BMPR2: variants seen among roughly 807,000 people sequenced by gnomAD.
The protein encoded by BMPR2 is bone morphogenetic protein receptor type-2.
A neutral mutation model predicts 100.8 loss-of-function variants in BMPR2; 29 were observed. The observed-to-expected ratio is 0.29, with a 90% CI of 0.21 to 0.39. The LOEUF (loss-of-function observed/expected upper bound fraction) is 0.39, where lower values mean the gene tolerates loss of function less well. Among genes scored for constraint, BMPR2 ranks in the 10% least tolerant of loss-of-function variants. The pLI is 1.00. For missense variants in BMPR2, 1,011 were observed against 1,274.5 expected (o/e 0.79, Z 3.15); for synonymous variants, 382 against 442.3 (o/e 0.86, Z 1.71).
intron 3 of BMPR2, among the ~76,000 whole-genome samples, chr2:202,483,112 A>T (rs1692693090): frequency 6.6e-6 from 1 of 152,052 alleles, no homozygotes; most frequent in African/African-American, 2.4e-5. Flanking sequence ...ATATTTCCCT[A>T]ATGATTGGAG....
chr2:202,410,500 T>C (rs1690991199), intron 1 of BMPR2, among the ~76,000 whole-genome samples: 1 of 152,232 alleles, frequency 6.6e-6, no homozygotes, highest in Non-Finnish European at 1.5e-5. Flanking sequence ...ATCATAGTAT[T>C]GGATTCGAAT....
intron 3 of BMPR2, among the ~76,000 whole-genome samples, chr2:202,481,419 TCCGCCTG>T (rs1692658563): frequency 6.6e-6 from 1 of 152,178 alleles, no homozygotes; most frequent in African/African-American, 2.4e-5. Flanking sequence ...ACTCAGCTGA[TCCGCCTG>T]CCTCAGCCTC....
intron 1 of BMPR2, among the ~76,000 whole-genome samples, chr2:202,381,009 C>T (rs1178990028): frequency 5.0e-5 from 6 of 119,476 alleles, no homozygotes; most frequent in East Asian, 2.5e-4. Context: ...GAGTCTGGCT[C>T]GGTCACCCAG....
At position 202,556,083 on chromosome 2, in the gene BMPR2, G is replaced by T. The variant is rs150020118; in HGVS notation, c.2418G>T (p.Met806Ile). 1 of 1,614,076 alleles carries T rather than the reference G, an allele frequency of 6.2e-7. No homozygotes were observed. Among genetic ancestry groups the T allele is most frequent in the Non-Finnish European group, 8.5e-7 (1 of 1,180,050 alleles). Reference protein sequence around the residue: ...AAEPHVVTVTMNGVAGRNHSV... With the variant: ...AAEPHVVTVTINGVAGRNHSV... ...AACCTCATGTGGTGACAGTCACCAT[G>T]AATGGTGTGGCAGGTAGAAACCACA... The change falls in exon 12 of 13, where the codon ATG becomes ATT. Residue 806 changes from methionine to isoleucine, a missense_variant. This residue lies in a region of BMPR2 where 508 missense variants were observed against 552.0 expected (regional missense o/e 0.92). Transcript: ENST00000374580.
At chr2:202,420,550 T>A (rs1244081552) in intron 1 of BMPR2, among the ~76,000 whole-genome samples, 3 of 138,330 alleles carry the variant, frequency 2.2e-5, no homozygotes, top group Admixed American at 7.3e-5. Context: ...TTTTTTTTTT[T>A]TTTTTTTTTT....
chr2:202,469,024 G>GGTTTT (rs1199780975), intron 3 of BMPR2, among the ~76,000 whole-genome samples: 4 of 151,640 alleles, frequency 2.6e-5, no homozygotes, highest in African/African-American at 4.8e-5. Flanking sequence ...TTTATTTTTT[G>GGTTTT]GTTTTGTTTT....
At chr2:202,410,889 TA>T (rs1420210844) in intron 1 of BMPR2, among the ~76,000 whole-genome samples, 1 of 152,130 alleles carries the variant, frequency 6.6e-6, no homozygotes. Context: ...TTTTTATTTT[TA>T]AAAATAATAA....
At chr2:202,426,720 A>G (rs1358056640) in intron 1 of BMPR2, among the ~76,000 whole-genome samples, 1 of 151,976 alleles carries the variant, frequency 6.6e-6, no homozygotes, top group African/African-American at 2.4e-5. Flanking sequence ...CGTCTCTTCA[A>G]ATATTTAAAA....
intron 7 of BMPR2, among the ~76,000 whole-genome samples, chr2:202,527,701 G>C (rs1687942409): frequency 6.6e-6 from 1 of 151,142 alleles, no homozygotes; most frequent in Non-Finnish European, 1.5e-5. Flanking sequence ...GCAGGAGAAT[G>C]GCGTGAACCC....
At chr2:202,395,648 G>A (rs1165003112) in intron 1 of BMPR2, among the ~76,000 whole-genome samples, 1 of 152,126 alleles carries the variant, frequency 6.6e-6, no homozygotes, top group Non-Finnish European at 1.5e-5. Context: ...AAAGCTTACA[G>A]TTCCTAGCTG....
intron 3 of BMPR2, among the ~76,000 whole-genome samples, chr2:202,492,632 A>G (rs1574475976): frequency 6.9e-6 from 1 of 145,562 alleles, no homozygotes; most frequent in Non-Finnish European, 1.5e-5. Flanking sequence ...CCCAGGAGGC[A>G]GAGGTTGCAG....
chr2:202,405,236 A>G (rs1690864124), intron 1 of BMPR2, among the ~76,000 whole-genome samples: 1 of 152,210 alleles, frequency 6.6e-6, no homozygotes, highest in East Asian at 1.9e-4. Context: ...AGTCAGATAC[A>G]GTAATTAGAA....
chr2:202,557,504 C>T lies in BMPR2; in HGVS notation c.2866+973C>T, dbSNP rs1279673778. Reference sequence around the variant, plus strand: ...ACACACACACACACACACACACACACACACACACACAAATTAGCTGGGTGT... The same window carrying T: ...ACACACACACACACACACACACACATACACACACACAAATTAGCTGGGTGT... On this transcript the variant is annotated intron_variant, in intron 12 of 12. Coordinates refer to ENST00000374580, the MANE Select transcript of BMPR2 (RefSeq NM_001204.7). Among the ~76,000 whole-genome samples, 11 of 145,232 alleles carry T rather than the reference C, an allele frequency of 7.6e-5. No homozygotes were observed. In the Admixed American group the frequency reaches 7.9e-4, roughly 10 times the overall value.
At chr2:202,493,811 G>T (rs1182003273) in intron 3 of BMPR2, among the ~76,000 whole-genome samples, 3 of 152,018 alleles carry the variant, frequency 2.0e-5, no homozygotes, top group Non-Finnish European at 4.4e-5. Flanking sequence ...CTCTTCTTCA[G>T]TTTTTCACTG....
At chr2:202,381,875 G>A (rs1690301650) in intron 1 of BMPR2, among the ~76,000 whole-genome samples, 1 of 151,888 alleles carries the variant, frequency 6.6e-6, no homozygotes, top group Admixed American at 6.6e-5. Context: ...TTCATTAAAG[G>A]CCAGTTTTTT....
At chr2:202,386,114 A>C (rs1242225071) in intron 1 of BMPR2, among the ~76,000 whole-genome samples, 1 of 152,102 alleles carries the variant, frequency 6.6e-6, no homozygotes, top group African/African-American at 2.4e-5. Flanking sequence ...GTTGTGTTTC[A>C]GGATTCAGTC....
chr2:202,561,886 A>C lies in BMPR2; in HGVS notation c.*1940A>C, dbSNP rs1688683199. On this transcript the variant is annotated 3_prime_UTR_variant, in exon 13 of 13. Coordinates refer to ENST00000374580, the MANE Select transcript of BMPR2 (RefSeq NM_001204.7). ...AACACAGTTCTGGATTCATAGAATT[A>C]AGAATATCTTGTTAGTGCCCAGGAT... is the stretch of plus-strand genomic sequence containing the variant. 6.6e-6 allele frequency: 1 copy of C among 152,194 alleles called. No individual in the cohort carries two copies. Among genetic ancestry groups the C allele is most frequent in the South Asian group, 2.1e-4 (1 of 4,832 alleles). 9.4% of individuals were successfully genotyped at this position (152,194 alleles called of 1,614,324 possible). A position where few individuals can be genotyped will look rare whatever the true frequency, so the allele number is the denominator to read the frequency against.
intron 3 of BMPR2, among the ~76,000 whole-genome samples, chr2:202,482,059 A>G (rs1692671559): frequency 6.6e-6 from 1 of 152,188 alleles, no homozygotes; most frequent in African/African-American, 2.4e-5. Context: ...TAAGTATATC[A>G]TATAAGTAGA....
intron 9 of BMPR2, among the ~76,000 whole-genome samples, chr2:202,541,893 C>T (rs1688282658): frequency 6.6e-6 from 1 of 152,090 alleles, no homozygotes; most frequent in Non-Finnish European, 1.5e-5. Context: ...TGGTGGATCA[C>T]CTGAGGTCAG....
Sources: gnomAD v4.1 joint callset for allele counts (sites outside exome capture counted in the v4.1 genomes callset) on GRCh38, gnomAD v4.1.1 for gene constraint, gnomAD v4.1.1 regional missense constraint, MANE v1.5 for transcripts, NCBI Gene and HGNC (gene_info 2026-07-23, HGNC 2026-07-21) for gene names.